The following NTN1 variants were observed in gnomAD, a reference collection of about 807,000 sequenced individuals.
NTN1 encodes netrin 1.
NTN1 carries 11 observed loss-of-function variants against 54.2 expected under a neutral mutation model. The ratio of observed to expected loss-of-function variants is 0.20; its 90% CI spans 0.13 to 0.34. The LOEUF is 0.34. NTN1 is among the 10% of genes least tolerant of loss of function. The pLI is 1.00. For missense variants in NTN1, 740 were observed against 893.1 expected, an observed-to-expected ratio of 0.83 and a Z score of 2.18; for synonymous variants, 371 against 382.0, an observed-to-expected ratio of 0.97 and a Z score of 0.33.
At chr17:9,174,617 A>G (rs775468856) in intron 3 of NTN1, 3 of 152,200 alleles carry the variant, frequency 2.0e-5, no homozygotes, top group African/African-American at 4.8e-5. Flanking sequence ...CACTGCACTC[A>G]TCTGTATCCC....
chr17:9,225,395 G>A (rs1045529498), intron 6 of NTN1, among the ~76,000 whole-genome samples: 1 of 152,204 alleles, frequency 6.6e-6, no homozygotes, highest in Admixed American at 6.5e-5. Context: ...AGCCCTGCGG[G>A]GTGGGGTGGC....
intron 5 of NTN1, among the ~76,000 whole-genome samples, chr17:9,195,230 C>T (rs938594090): frequency 2.0e-5 from 3 of 151,746 alleles, no homozygotes; most frequent in African/African-American, 7.3e-5. Flanking sequence ...CTCCATCACC[C>T]CAAGGAGCAC....
chr17:9,182,420 C>T (rs1051819083), intron 4 of NTN1, among the ~76,000 whole-genome samples: 7 of 152,244 alleles, frequency 4.6e-5, no homozygotes, highest in African/African-American at 1.7e-4. Context: ...GGAACCTGGG[C>T]CGTGCTGCCA....
chr17:9,012,051 G>A, the NTN1 span, among the ~76,000 whole-genome samples: 1 of 152,168 alleles, frequency 6.6e-6, no homozygotes, highest in South Asian at 2.1e-4. Context: ...TTCCTCAGAC[G>A]CTATGAAAAT....
chr17:9,066,998 C>CAAAAAAA (rs71361855), intron 2 of NTN1, among the ~76,000 whole-genome samples: 2 of 89,362 alleles, frequency 2.2e-5, no homozygotes, highest in Non-Finnish European at 2.2e-5. Context: ...GACTCCATCT[C>CAAAAAAA]AAAAAAAAAA....
At chr17:9,225,330 G>A (rs1279830872) in intron 6 of NTN1, among the ~76,000 whole-genome samples, 2 of 152,152 alleles carry the variant, frequency 1.3e-5, no homozygotes, top group African/African-American at 4.8e-5. Context: ...CAGGAGGCAG[G>A]CCAAGAACAA....
intron 3 of NTN1, among the ~76,000 whole-genome samples, chr17:9,167,855 G>A (rs761547279): frequency 3.9e-5 from 6 of 152,116 alleles, no homozygotes; most frequent in Non-Finnish European, 7.4e-5. Flanking sequence ...ACTGTATGGC[G>A]TCATCAGCAT....
At chr17:9,164,053 C>T (rs1482080318) in intron 3 of NTN1, among the ~76,000 whole-genome samples, 2 of 152,248 alleles carry the variant, frequency 1.3e-5, no homozygotes, top group Non-Finnish European at 2.9e-5. Context: ...CACTGCTCAG[C>T]GTGTGGATGA....
At chr17:9,007,246 T>G in the NTN1 span, among the ~76,000 whole-genome samples, 1 of 151,398 alleles carries the variant, frequency 6.6e-6, no homozygotes, top group Non-Finnish European at 1.5e-5. Flanking sequence ...CTTTCTTTCC[T>G]TCCTTCCTTC....
the NTN1 span, among the ~76,000 whole-genome samples, chr17:9,014,617 C>T: frequency 6.6e-6 from 1 of 152,226 alleles, no homozygotes; most frequent in Non-Finnish European, 1.5e-5. Context: ...GGGAAGGAAA[C>T]ACTATGAATC....
chr17:9,233,278 C>G (rs1186404068), intron 6 of NTN1, among the ~76,000 whole-genome samples: 3 of 152,102 alleles, frequency 2.0e-5, no homozygotes, highest in Non-Finnish European at 4.4e-5. Context: ...GGCCACTCCC[C>G]CAGGGCCCAG....
upstream of NTN1, among the ~76,000 whole-genome samples, chr17:9,017,301 G>A (rs1375229900): frequency 4.6e-5 from 7 of 151,814 alleles, no homozygotes; most frequent in East Asian, 1.9e-4. Flanking sequence ...CTCACCTCCC[G>A]TTCACTCCAC....
At chr17:9,041,589 A>G (rs2091921726) in intron 2 of NTN1, among the ~76,000 whole-genome samples, 1 of 152,154 alleles carries the variant, frequency 6.6e-6, no homozygotes, top group Non-Finnish European at 1.5e-5. Flanking sequence ...GTTGATGGAC[A>G]TTTGAGTTGT....
At chr17:9,076,121 C>T (rs897350645) in intron 2 of NTN1, among the ~76,000 whole-genome samples, 6 of 152,116 alleles carry the variant, frequency 3.9e-5, no homozygotes, top group Admixed American at 2.6e-4. Context: ...AGAACCTGAC[C>T]CCTGTGGAAG....
intron 2 of NTN1, among the ~76,000 whole-genome samples, chr17:9,076,704 GT>G (rs1340251761): frequency 1.3e-5 from 2 of 152,222 alleles, no homozygotes; most frequent in Non-Finnish European, 2.9e-5. Context: ...TTAGCTCACA[GT>G]TTCTCAGCCT....
Position 9,212,009 on chromosome 17 carries a change from G to A in NTN1, c.1412-9159G>A, listed in dbSNP as rs1394131875. On this transcript the variant is annotated intron_variant, in intron 5 of 6. Coordinates refer to ENST00000173229, the MANE Select transcript of NTN1 (RefSeq NM_004822.3). The surrounding 1 kb of genome is among the most constrained non-coding windows in gnomAD (Gnocchi z 5.5). ...AAGCTCCTTGGCCAGTCCATTGCTAGAAGATGCTTCATTTGGGGCATCGTT... is the reference window on the plus strand; with the variant it reads ...AAGCTCCTTGGCCAGTCCATTGCTAAAAGATGCTTCATTTGGGGCATCGTT... 6.6e-6 allele frequency among the ~76,000 whole-genome samples: 1 copy of A among 152,236 alleles called. No individual in the cohort carries two copies. Among genetic ancestry groups the A allele is most frequent in the African/African-American group, 2.4e-5 (1 of 41,460 alleles).
At chr17:9,013,000 C>A in the NTN1 span, among the ~76,000 whole-genome samples, 1 of 151,846 alleles carries the variant, frequency 6.6e-6, no homozygotes, top group African/African-American at 2.4e-5. Flanking sequence ...TGTATACATT[C>A]TAGGAGCCAT....
Position 9,169,284 on chromosome 17 carries a change from T to C in NTN1, c.1207+6283T>C, listed in dbSNP as rs140171085. Among the ~76,000 whole-genome samples the C allele has an allele frequency of 5.4e-3, 826 of 152,346 alleles. 21 individuals are homozygous for C. The highest frequency in any genetic ancestry group is 9.6e-4 in the Non-Finnish European group (65 of 68,028). On this transcript the variant is annotated intron_variant, in intron 3 of 6. Coordinates refer to ENST00000173229, the MANE Select transcript of NTN1 (RefSeq NM_004822.3). ...TAGTCAACCTCTTAGGAGAACTTGATACAATAGGACAATTCTTTGTAGCAG... is the reference window on the plus strand; with the variant it reads ...TAGTCAACCTCTTAGGAGAACTTGACACAATAGGACAATTCTTTGTAGCAG...
intron 5 of NTN1, among the ~76,000 whole-genome samples, chr17:9,183,874 A>T (rs2092426074): frequency 6.6e-6 from 1 of 152,208 alleles, no homozygotes; most frequent in South Asian, 2.1e-4. Flanking sequence ...GCCCTGCCAG[A>T]TGCCCTGCTG....
Sources: allele counts gnomAD v4.1 joint callset (sites outside exome capture counted in the v4.1 genomes callset), GRCh38; gene constraint gnomAD v4.1.1; non-coding constraint Gnocchi (gnomAD v3.1); transcripts MANE v1.5; gene names NCBI Gene and HGNC (gene_info 2026-07-23, HGNC 2026-07-21).